The following CFAP299 variants were observed in gnomAD, a reference collection of about 807,000 sequenced individuals.
CFAP299 encodes cilia- and flagella-associated protein 299.
In CFAP299, 21 loss-of-function variants were observed where a neutral mutation model predicts 27.0. The observed-to-expected ratio is 0.78, with a 90% CI of 0.55 to 1.12. The LOEUF (loss-of-function observed/expected upper bound fraction) is 1.12, where lower values mean the gene tolerates loss of function less well. CFAP299 is among the 50% of genes most tolerant of loss of function. The pLI, the probability that CFAP299 is intolerant of heterozygous loss-of-function variation, is 0.00. For missense variants in CFAP299, 310 were observed against 276.6 expected, an observed-to-expected ratio of 1.12 and a Z score of -0.86; for synonymous variants, 104 against 98.1, an observed-to-expected ratio of 1.06 and a Z score of -0.36.
chr4:80,496,774 A>G (rs1410776718), intron 2 of CFAP299, among the ~76,000 whole-genome samples: 1 of 152,202 alleles, frequency 6.6e-6, no homozygotes, highest in African/African-American at 2.4e-5. Flanking sequence ...TTGGCATACC[A>G]TTCCACAGGC....
chr4:80,860,500 C>T (rs1218213582), intron 3 of CFAP299, among the ~76,000 whole-genome samples: 1 of 152,104 alleles, frequency 6.6e-6, no homozygotes, highest in Non-Finnish European at 1.5e-5. Flanking sequence ...TGTAGAGTTG[C>T]CATTTTTTCT....
intron 3 of CFAP299, among the ~76,000 whole-genome samples, chr4:80,852,605 T>C (rs1280646588): frequency 6.6e-6 from 1 of 152,234 alleles, no homozygotes; most frequent in Non-Finnish European, 1.5e-5. Context: ...GTGATTCCTT[T>C]GACACTGCAT....
intron 2 of CFAP299, among the ~76,000 whole-genome samples, chr4:80,463,338 A>T (rs1049550827): frequency 2.6e-4 from 39 of 152,192 alleles, no homozygotes; most frequent in African/African-American, 9.4e-4. Flanking sequence ...AAATTACACA[A>T]AGAAAGAACA....
At chr4:80,782,578 A>C (rs1289326386) in intron 3 of CFAP299, among the ~76,000 whole-genome samples, 1 of 130,712 alleles carries the variant, frequency 7.7e-6, no homozygotes, top group Non-Finnish European at 1.7e-5. Context: ...ACATATATGA[A>C]TATATAATAT....
chr4:80,869,978 A>C lies in CFAP299; in HGVS notation c.334-15A>C. 6.3e-7 allele frequency: 1 copy of C among 1,596,832 alleles called. No individual in the cohort carries two copies. ...CTTTTATATTTTTGTCTTATTCTCT[A>C]TTCTGTGCTACCAGTCCGTGATCTT... On this transcript the variant is annotated splice_polypyrimidine_tract_variant and intron_variant, in intron 3 of 5. Coordinates refer to ENST00000358105, the MANE Select transcript of CFAP299 (RefSeq NM_152770.3).
intron 3 of CFAP299, among the ~76,000 whole-genome samples, chr4:80,648,553 T>A (rs1231191200): frequency 1.3e-5 from 2 of 152,178 alleles, no homozygotes; most frequent in Admixed American, 1.3e-4. Flanking sequence ...GACAATGTAA[T>A]TGAAAAATCT....
chr4:80,530,821 G>A (rs1051954171), intron 2 of CFAP299, among the ~76,000 whole-genome samples: 5 of 152,190 alleles, frequency 3.3e-5, no homozygotes, highest in Non-Finnish European at 7.3e-5. Context: ...CAGGCAGAGT[G>A]AAAACATGTG....
rs1223167086 is a variant in CFAP299, at chr4:80,668,785, A to T, written c.333+85602A>T. Reference sequence around the variant, plus strand: ...GCTCAGGAAAAGACTTTGACTACTTACTTTGACTACTCGAAGTCTTCTGGG... The same window carrying T: ...GCTCAGGAAAAGACTTTGACTACTTTCTTTGACTACTCGAAGTCTTCTGGG... On this transcript the variant is annotated intron_variant, in intron 3 of 5. Coordinates refer to ENST00000358105, the MANE Select transcript of CFAP299 (RefSeq NM_152770.3). Among the ~76,000 whole-genome samples the T allele has an allele frequency of 7.9e-5, 12 of 152,100 alleles. No homozygotes were observed. In the East Asian group the frequency reaches 1.9e-3, roughly 24 times the overall value.
chr4:80,445,043 T>A (rs1388253233), intron 2 of CFAP299, among the ~76,000 whole-genome samples: 1 of 152,096 alleles, frequency 6.6e-6, no homozygotes, highest in African/African-American at 2.4e-5. Context: ...GGAGAGGATG[T>A]GGAGAAATAG....
chr4:80,571,710 A>T (rs1054202560), intron 2 of CFAP299, among the ~76,000 whole-genome samples: 1 of 151,788 alleles, frequency 6.6e-6, no homozygotes, highest in African/African-American at 2.4e-5. Flanking sequence ...GGCCCTCATG[A>T]TGGGATTAGT....
intron 3 of CFAP299, among the ~76,000 whole-genome samples, chr4:80,595,937 A>G (rs949778267): frequency 5.3e-5 from 8 of 152,214 alleles, no homozygotes; most frequent in African/African-American, 1.9e-4. Flanking sequence ...CGTGCAATAC[A>G]TAGCACTCTT....
chr4:80,915,869 A>C (rs1216609495), intron 4 of CFAP299, among the ~76,000 whole-genome samples: 3 of 151,782 alleles, frequency 2.0e-5, no homozygotes, highest in African/African-American at 7.3e-5. Flanking sequence ...TTACCATATA[A>C]ATTTTTTAGC....
chr4:80,493,310 G>A (rs1284573377), intron 2 of CFAP299, among the ~76,000 whole-genome samples: 1 of 152,166 alleles, frequency 6.6e-6, no homozygotes, highest in Non-Finnish European at 1.5e-5. Flanking sequence ...GTGCACATTT[G>A]GACAAGGGAG....
At position 80,725,111 on chromosome 4, in the gene CFAP299, ATTTTTTT is replaced by A. The variant is rs70956062; in HGVS notation, c.333+141947_333+141953del. 1.0e-3 allele frequency among the ~76,000 whole-genome samples: 92 copies of A among 88,542 alleles called. 1 individual carries two copies. Among genetic ancestry groups the A allele is most frequent in the African/African-American group, 4.2e-3 (82 of 19,638 alleles). The allele number at this position is 88,542 out of a possible 152,430, so 58.1% of individuals were successfully genotyped here. The stretch of plus-strand genomic sequence containing the variant: ...AGGCATGCACCACCATGCCTGGCCA[ATTTTTTT>A]TTTTTTTTTTTTTTTTTTGTAGAGA... On this transcript the variant is annotated intron_variant, in intron 3 of 5. Coordinates refer to ENST00000358105, the MANE Select transcript of CFAP299 (RefSeq NM_152770.3).
chr4:80,946,345 A>G (rs1737475898), intron 5 of CFAP299, among the ~76,000 whole-genome samples: 1 of 152,118 alleles, frequency 6.6e-6, no homozygotes, highest in Non-Finnish European at 1.5e-5. Flanking sequence ...TTGGGCCAAA[A>G]TAGGTCTCCA....
chr4:80,373,234 C>T (rs775226079), intron 2 of CFAP299, among the ~76,000 whole-genome samples: 3 of 152,040 alleles, frequency 2.0e-5, no homozygotes, highest in Non-Finnish European at 4.4e-5. Context: ...AGCTTCCACT[C>T]TAAGAGCGGG....
At chr4:80,470,023 G>A (rs1262033747) in intron 2 of CFAP299, among the ~76,000 whole-genome samples, 1 of 152,054 alleles carries the variant, frequency 6.6e-6, no homozygotes, top group Non-Finnish European at 1.5e-5. Flanking sequence ...CATTTGCGCT[G>A]AAGGAATGTC....
intron 4 of CFAP299, among the ~76,000 whole-genome samples, chr4:80,913,801 T>C (rs1308802000): frequency 6.6e-6 from 1 of 152,226 alleles, no homozygotes; most frequent in Non-Finnish European, 1.5e-5. Context: ...ACAATTAAGA[T>C]ATAGAATGTT....
chr4:80,339,600 G>C (rs978666714), intron 1 of CFAP299, among the ~76,000 whole-genome samples: 1 of 152,178 alleles, frequency 6.6e-6, no homozygotes, highest in African/African-American at 2.4e-5. Context: ...TTACTGAATA[G>C]CTTCAAAGCA....
Sources: allele counts gnomAD v4.1 joint callset (sites outside exome capture counted in the v4.1 genomes callset), GRCh38; gene constraint gnomAD v4.1.1; transcripts MANE v1.5; gene names NCBI Gene and HGNC (gene_info 2026-07-23, HGNC 2026-07-21).